ALX3: variants seen among roughly 807,000 people sequenced by gnomAD.
The protein encoded by ALX3 is ALX homeobox 3.
Under a neutral mutation model 26.3 loss-of-function variants are expected in ALX3, and 17 were observed. That is an observed-to-expected ratio of 0.65 (90% CI 0.44 to 0.97). The LOEUF (loss-of-function observed/expected upper bound fraction) is 0.97. Ranked by LOEUF, ALX3 falls within the 50% of genes least tolerant of loss-of-function variation. The pLI is 0.00. For missense variants in ALX3, 461 were observed against 466.5 expected, an observed-to-expected ratio of 0.99 and a Z score of 0.11; for synonymous variants, 208 against 201.4, an observed-to-expected ratio of 1.03 and a Z score of -0.28.
In ALX3 at chr1:110,065,987, C is replaced by T. The variant is rs372040332; in HGVS notation, c.278-1084G>A. 5.3e-5 allele frequency among the ~76,000 whole-genome samples: 8 copies of T among 152,372 alleles called. No homozygotes were observed. The East Asian group carries it at 1.3e-3, about 26-fold the overall frequency. On this transcript the variant is annotated intron_variant, in intron 1 of 3. Transcript: ENST00000647563. ...GCAGCTGAGACGCCACAAAGACGCC[C>T]CACTGACTCACACAGCCTCTTGCCT...
Position 110,060,763 on chromosome 1 carries a change from C to A in ALX3, c.1002G>T (p.Glu334Asp). ...TGGTCCAGTTCAGAAGGCCGGGTGG[C>A]TCCTTGGGCTTTACCCTGAGCGAGA... ...SLVSLRVKPK[E>D]PPGLLNWTT The change falls in exon 4 of 4, where the codon GAG (glutamate) becomes GAT (aspartate). Residue 334 changes from glutamate to aspartate, a missense_variant. Physicochemically the swap from Glu to Asp is conservative, Grantham distance 45. Transcript: ENST00000647563. The A allele has an allele frequency of 1.3e-6, 2 of 1,492,566 alleles. No homozygotes were observed. Among genetic ancestry groups the A allele is most frequent in the Middle Eastern group, 1.8e-4 (1 of 5,702 alleles). 92.5% of individuals were successfully genotyped at this position (1,492,566 alleles called of 1,614,324 possible).
At chr1:110,069,574 G>A (rs1404582948) in intron 1 of ALX3, among the ~76,000 whole-genome samples, 1 of 152,372 alleles carries the variant, frequency 6.6e-6, no homozygotes, top group African/African-American at 2.4e-5. Flanking sequence ...GGCGCCAGGG[G>A]GTTAGGCTGC....
chr1:110,064,134 T>C (rs1013516175), intron 2 of ALX3, among the ~76,000 whole-genome samples: 2 of 152,086 alleles, frequency 1.3e-5, no homozygotes, highest in African/African-American at 2.4e-5. Context: ...GACCCTCCCA[T>C]TCTAGGCAGC....
At chr1:110,068,302 C>T (rs1398984984) in intron 1 of ALX3, among the ~76,000 whole-genome samples, 1 of 152,246 alleles carries the variant, frequency 6.6e-6, no homozygotes, top group African/African-American at 2.4e-5. Context: ...GTTCCCTCTT[C>T]GCCCGCCACT....
In ALX3 at chr1:110,061,234, A is replaced by G; in HGVS notation, c.724-193T>C. Reference sequence around the variant, plus strand: ...GGCCCCTGCCACTGTTCTCAAAACGAAATTTTCTTCTGTGATTCCTTTGTG... The same window carrying G: ...GGCCCCTGCCACTGTTCTCAAAACGGAATTTTCTTCTGTGATTCCTTTGTG... On this transcript the variant is annotated intron_variant, in intron 3 of 3. Coordinates refer to ENST00000647563, the MANE Select transcript of ALX3 (RefSeq NM_006492.3). 4.5e-6 allele frequency: 5 copies of G among 1,101,806 alleles called. No homozygotes were observed. The South Asian group carries it at 7.9e-5, about 17-fold the overall frequency. 68.3% of individuals were successfully genotyped at this position (1,101,806 alleles called of 1,614,324 possible).
chr1:110,060,769 G>A lies in ALX3; in HGVS notation c.996C>T (p.Pro332=), dbSNP rs767474422. ...SPSLVSLRVK[P]KEPPGLLNWT... The stretch of plus-strand genomic sequence containing the variant: ...AGTTCAGAAGGCCGGGTGGCTCCTT[G>A]GGCTTTACCCTGAGCGAGACGAGGC... The change falls in exon 4 of 4, where the codon CCC becomes CCT. Residue 332 remains proline, a synonymous_variant. Coordinates refer to ENST00000647563, the MANE Select transcript of ALX3 (RefSeq NM_006492.3). 2.1e-5 allele frequency: 31 copies of A among 1,506,460 alleles called. No individual in the cohort carries two copies. The highest frequency in any genetic ancestry group is 2.7e-5 in the Non-Finnish European group (31 of 1,128,034). The allele number at this position is 1,506,460 out of a possible 1,614,324, so 93.3% of individuals were successfully genotyped here.
chr1:110,061,926 C>T lies in ALX3; in HGVS notation c.595-363G>A, dbSNP rs185234889. Reference sequence around the variant, plus strand: ...TGTACATGTGTTGGGTTTCTAGTCTCCCTGCCTCATCTCCTTTTCCAGGCT... The same window carrying T: ...TGTACATGTGTTGGGTTTCTAGTCTTCCTGCCTCATCTCCTTTTCCAGGCT... On this transcript the variant is annotated intron_variant, in intron 2 of 3. Transcript: ENST00000647563. 1.8e-4 allele frequency: 45 copies of T among 251,528 alleles called. No homozygotes were observed. In the East Asian group the frequency reaches 3.7e-3, roughly 21 times the overall value. The allele number at this position is 251,528 out of a possible 1,614,324, so 15.6% of individuals were successfully genotyped here. A position where few individuals can be genotyped will look rare whatever the true frequency, so the allele number is the denominator to read the frequency against.
At chr1:110,062,952 G>A (rs534090511) in intron 2 of ALX3, among the ~76,000 whole-genome samples, 3 of 152,292 alleles carry the variant, frequency 2.0e-5, no homozygotes, top group South Asian at 2.1e-4. Flanking sequence ...TGGGGATCCC[G>A]CTGTAGGCCT....
In ALX3 at chr1:110,066,234, T is replaced by C. The variant is rs921814395; in HGVS notation, c.278-1331A>G. Among the ~76,000 whole-genome samples, 4 of 152,164 alleles carry C rather than the reference T, an allele frequency of 2.6e-5. 1 individual carries two copies. Among genetic ancestry groups the C allele is most frequent in the Admixed American group, 2.6e-4 (4 of 15,288 alleles). ...CCTCCTCAGCTGGAAGGTGGTCAGT[T>C]ACTTTCCAGGACTACCCAGGCCATG... On this transcript the variant is annotated intron_variant, in intron 1 of 3. Transcript: ENST00000647563.
intron 2 of ALX3, among the ~76,000 whole-genome samples, chr1:110,063,465 G>A (rs1203280050): frequency 2.6e-5 from 4 of 152,106 alleles, no homozygotes; most frequent in African/African-American, 9.7e-5. Context: ...GCAGCCGTAG[G>A]GCCTTCTCTG....
At position 110,064,364 on chromosome 1, in the gene ALX3, C is replaced by T. The variant is rs186086658; in HGVS notation, c.594+223G>A. ...ACAGGTGATGGCTTCCAGAGGCCAT[C>T]GCCCTTATACCCAGGCATAAGCTTC... On this transcript the variant is annotated intron_variant, in intron 2 of 3. Transcript: ENST00000647563. Among the ~76,000 whole-genome samples, 13 of 152,326 alleles carry T rather than the reference C, an allele frequency of 8.5e-5. No homozygotes were observed. In the East Asian group the frequency reaches 1.4e-3, roughly 16 times the overall value.
chr1:110,064,878 G>A lies in ALX3; in HGVS notation c.303C>T (p.Ala101=). The change falls in exon 2 of 4, where the codon GCC becomes GCT. Residue 101 remains alanine (A), a synonymous_variant. Coordinates refer to ENST00000647563, the MANE Select transcript of ALX3 (RefSeq NM_006492.3). ...AEAEEKTSKA[A]SFPQLPLDCR... is the part of the protein sequence containing the mutation. ...AGTCCAAGGGCAGCTGGGGGAAGCT[G>A]GCAGCTTTGGAGGTCTTCTCCTCAG... 6.2e-7 allele frequency: 1 copy of A among 1,609,998 alleles called. No homozygotes were observed. The highest frequency in any genetic ancestry group is 8.5e-7 in the Non-Finnish European group (1 of 1,178,026).
At chr1:110,066,570 CA>C (rs1653789829) in intron 1 of ALX3, among the ~76,000 whole-genome samples, 1 of 76,596 alleles carries the variant, frequency 1.3e-5, no homozygotes, top group Non-Finnish European at 2.7e-5. Flanking sequence ...TGGAATGGGA[CA>C]TCCCCCCCCC....
intron 1 of ALX3, among the ~76,000 whole-genome samples, chr1:110,066,583 C>CT (rs1318975429): frequency 7.6e-6 from 1 of 132,110 alleles, no homozygotes; most frequent in African/African-American, 2.8e-5. Context: ...CCCCCCCCCC[C>CT]GCCCCCGCCA....
chr1:110,060,077 T>G lies in ALX3; in HGVS notation c.*656A>C, dbSNP rs1653591894. 1.3e-5 allele frequency: 2 copies of G among 152,218 alleles called. No homozygotes were observed. Among genetic ancestry groups the G allele is most frequent in the Non-Finnish European group, 2.9e-5 (2 of 68,058 alleles). The allele number at this position is 152,218 out of a possible 1,614,324, so 9.4% of individuals were successfully genotyped here. A position where few individuals can be genotyped will look rare whatever the true frequency, so the allele number is the denominator to read the frequency against. On this transcript the variant is annotated 3_prime_UTR_variant, in exon 4 of 4. Coordinates refer to ENST00000647563, the MANE Select transcript of ALX3 (RefSeq NM_006492.3). The stretch of plus-strand genomic sequence containing the variant: ...CTCTGGGCTGGTCCCGTGGAAGAGA[T>G]TCCAAATATGTGGTGATTTCTGGTG...
chr1:110,070,672 T>C lies in ALX3; in HGVS notation c.-60A>G. The C allele has an allele frequency of 8.7e-7, 1 of 1,150,208 alleles. No individual in the cohort carries two copies. The highest frequency in any genetic ancestry group is 1.1e-6 in the Non-Finnish European group (1 of 942,738). The allele number at this position is 1,150,208 out of a possible 1,614,324, so 71.3% of individuals were successfully genotyped here. ...GGGCTCGCGCTGCCCGCGCCGCCTG[T>C]GAGCGCCCGCCAAGGGGGAGGGACC... On this transcript the variant is annotated 5_prime_UTR_variant, in exon 1 of 4. Transcript: ENST00000647563.
chr1:110,060,581 G>T lies in ALX3; in HGVS notation c.*152C>A. On this transcript the variant is annotated 3_prime_UTR_variant, in exon 4 of 4. Transcript: ENST00000647563. ...AGCCCCACCTTGTTCTAAGAGAAAA[G>T]ACCCTGTAACGTGTTCCCTGCTGGG... is the stretch of plus-strand genomic sequence containing the variant. 1 of 561,322 alleles carries T rather than the reference G, an allele frequency of 1.8e-6. No homozygotes were observed. Among genetic ancestry groups the T allele is most frequent in the South Asian group, 3.4e-5 (1 of 29,514 alleles). The allele number at this position is 561,322 out of a possible 1,614,324, so 34.8% of individuals were successfully genotyped here. A position where few individuals can be genotyped will look rare whatever the true frequency, so the allele number is the denominator to read the frequency against.
chr1:110,064,549 G>C (rs1249124232), intron 2 of ALX3, 38 bp downstream of exon 2: 1 of 1,610,960 alleles, frequency 6.2e-7, no homozygotes, highest in South Asian at 1.1e-5. Context: ...CTGTGTGATA[G>C]GGGCAGCCAG....
At chr1:110,069,030 G>A (rs1653856399) in intron 1 of ALX3, among the ~76,000 whole-genome samples, 1 of 152,238 alleles carries the variant, frequency 6.6e-6, no homozygotes, top group Non-Finnish European at 1.5e-5. Flanking sequence ...CCGACGCGGA[G>A]CGCTGAGCCA....
Sources: gnomAD v4.1 joint callset for allele counts (sites outside exome capture counted in the v4.1 genomes callset) on GRCh38, gnomAD v4.1.1 for gene constraint, MANE v1.5 for transcripts, NCBI Gene and HGNC (gene_info 2026-07-23, HGNC 2026-07-21) for gene names.